SGPP2: variants seen among roughly 807,000 people sequenced by gnomAD.
SGPP2 encodes sphingosine 1-phosphate phosphohydrolase 2.
Under a neutral mutation model 33.9 loss-of-function variants are expected in SGPP2, and 30 were observed. The observed-to-expected ratio is 0.89, with a 90% CI of 0.66 to 1.20. The LOEUF (loss-of-function observed/expected upper bound fraction) is 1.20. SGPP2 is among the 50% of genes most tolerant of loss of function. The pLI is 0.00. For missense variants in SGPP2, 458 were observed against 532.1 expected, an observed-to-expected ratio of 0.86 and a Z score of 1.37; for synonymous variants, 233 against 225.0, an observed-to-expected ratio of 1.04 and a Z score of -0.32.
At chr2:222,449,437 T>C (rs10172550) in intron 1 of SGPP2, among the ~76,000 whole-genome samples, 106,430 of 151,044 alleles carry the variant, frequency 0.7, 38,044 homozygotes, top group Middle Eastern at 0.84. Flanking sequence ...ACGTGCCCCA[T>C]CCTAAGGATG....
chr2:222,506,952 G>A (rs1201297035), intron 2 of SGPP2, among the ~76,000 whole-genome samples: 2 of 152,116 alleles, frequency 1.3e-5, no homozygotes, highest in Non-Finnish European at 2.9e-5. Context: ...AAGGTGGTTT[G>A]TGACTGTGTT....
intron 1 of SGPP2, among the ~76,000 whole-genome samples, chr2:222,471,923 A>G (rs1697849390): frequency 6.6e-6 from 1 of 152,230 alleles, no homozygotes. Flanking sequence ...ATCCCATAAT[A>G]TAAAGGTGTT....
At chr2:222,555,299 G>T (rs58271797) in intron 4 of SGPP2, among the ~76,000 whole-genome samples, 45,996 of 151,984 alleles carry the variant, frequency 0.3, 7,557 homozygotes, top group South Asian at 0.48. Flanking sequence ...ACTGCTATAA[G>T]CATGCATGTA....
rs752449757 is a variant in SGPP2, at chr2:222,476,379, T to G, written c.378+1653T>G. On this transcript the variant is annotated intron_variant, in intron 2 of 4. Transcript: ENST00000321276. The surrounding 1 kb of genome is among the most constrained non-coding windows in gnomAD (Gnocchi z 4.3). ...GGTGACAGAGGGACTAGGGAGCAAC[T>G]GCCCCTGGCTCCACCTGGGACTTCA... is the stretch of plus-strand genomic sequence containing the variant. Among the ~76,000 whole-genome samples the G allele has an allele frequency of 6.6e-6, 1 of 152,166 alleles. No individual in the cohort carries two copies. Among genetic ancestry groups the G allele is most frequent in the Non-Finnish European group, 1.5e-5 (1 of 68,020 alleles).
chr2:222,497,300 T>G (rs1698296992), intron 2 of SGPP2, among the ~76,000 whole-genome samples: 1 of 147,668 alleles, frequency 6.8e-6, no homozygotes. Context: ...TCGCCCAGGC[T>G]GGAGTGCAAT....
intron 4 of SGPP2, among the ~76,000 whole-genome samples, chr2:222,546,220 G>A (rs60876771): frequency 0.039 from 5,998 of 152,240 alleles, 197 homozygotes; most frequent in African/African-American, 0.084. Flanking sequence ...ATTAATTCAT[G>A]TGCATAGGCC....
chr2:222,547,830 G>A (rs1329730728), intron 4 of SGPP2, among the ~76,000 whole-genome samples: 3 of 151,690 alleles, frequency 2.0e-5, no homozygotes, highest in African/African-American at 7.3e-5. Context: ...TACTTGCTAG[G>A]GTATAATTTT....
At position 222,559,179 on chromosome 2, in the gene SGPP2, C is replaced by CT. The variant is rs1237382700; in HGVS notation, c.*281_*282insT. The stretch of plus-strand genomic sequence containing the variant: ...ACACCGCGCCCCCCCCCCCCCCGCC[C>CT]GGCCCCTGCTCCTCTCGCTGTTGCA... On this transcript the variant is annotated 3_prime_UTR_variant, in exon 5 of 5. Coordinates refer to ENST00000321276, the MANE Select transcript of SGPP2 (RefSeq NM_152386.4). 1 of 164,744 alleles carries CT rather than the reference C, an allele frequency of 6.1e-6. No individual in the cohort carries two copies. 10.2% of individuals were successfully genotyped at this position (164,744 alleles called of 1,614,324 possible).
intron 1 of SGPP2, among the ~76,000 whole-genome samples, chr2:222,442,973 A>G (rs1187089876): frequency 1.3e-5 from 2 of 152,182 alleles, no homozygotes; most frequent in Admixed American, 6.5e-5. Context: ...GAATCATGAC[A>G]TTATAGTAAG....
chr2:222,497,116 A>C (rs974769830), intron 2 of SGPP2, among the ~76,000 whole-genome samples: 2 of 152,158 alleles, frequency 1.3e-5, no homozygotes, highest in African/African-American at 4.8e-5. Flanking sequence ...TTGGGAAACA[A>C]ATTTGGCCAA....
At chr2:222,440,003 A>G (rs1697300814) in intron 1 of SGPP2, among the ~76,000 whole-genome samples, 1 of 152,236 alleles carries the variant, frequency 6.6e-6, no homozygotes, top group African/African-American at 2.4e-5. Context: ...TACCTTTGCA[A>G]CTGCCTGTGA....
intron 4 of SGPP2, among the ~76,000 whole-genome samples, chr2:222,543,869 A>G (rs1689131781): frequency 6.6e-6 from 1 of 152,144 alleles, no homozygotes; most frequent in Non-Finnish European, 1.5e-5. Flanking sequence ...CATTTTCTCC[A>G]ATGCTGGACT....
intron 4 of SGPP2, among the ~76,000 whole-genome samples, chr2:222,525,267 A>G (rs1698741579): frequency 6.6e-6 from 1 of 152,220 alleles, no homozygotes; most frequent in African/African-American, 2.4e-5. Flanking sequence ...GATTTTGAAA[A>G]TGGGCTAGAA....
chr2:222,475,288 C>G (rs1336341992), intron 2 of SGPP2, among the ~76,000 whole-genome samples: 1 of 152,262 alleles, frequency 6.6e-6, no homozygotes, highest in Admixed American at 6.5e-5. Context: ...AGGCTTATCT[C>G]TTACTGCTAT....
intron 2 of SGPP2, among the ~76,000 whole-genome samples, chr2:222,497,522 C>T (rs569136783): frequency 1.1e-4 from 16 of 152,290 alleles, no homozygotes; most frequent in Middle Eastern, 3.4e-3. Context: ...ACTGGGATTA[C>T]AGGCACGAGC....
intron 4 of SGPP2, among the ~76,000 whole-genome samples, chr2:222,554,682 C>T (rs533585183): frequency 2.0e-5 from 3 of 152,174 alleles, no homozygotes; most frequent in East Asian, 1.9e-4. Context: ...CAGGGACAGG[C>T]GAGGAGTTGA....
chr2:222,544,685 T>A (rs1380238314), intron 4 of SGPP2, among the ~76,000 whole-genome samples: 6 of 152,190 alleles, frequency 3.9e-5, no homozygotes, highest in African/African-American at 1.4e-4. Flanking sequence ...TTTCAAATAT[T>A]TTTGATCCAA....
At chr2:222,481,503 A>T (rs1181747414) in intron 2 of SGPP2, among the ~76,000 whole-genome samples, 1 of 152,208 alleles carries the variant, frequency 6.6e-6, no homozygotes, top group East Asian at 1.9e-4. Flanking sequence ...GAAGTTCAAG[A>T]CTTTGAGAAG....
rs139097828 is a variant in SGPP2, at chr2:222,494,170, C to T, written c.378+19444C>T. Among the ~76,000 whole-genome samples the T allele has an allele frequency of 4.2e-3, 645 of 152,316 alleles. 5 individuals carry two copies. The highest frequency in any genetic ancestry group is 0.014 in the African/African-American group (601 of 41,552). The stretch of plus-strand genomic sequence containing the variant: ...GCCTCCTCTGCTGAACCCATTGGAA[C>T]ACTCCTTCTATTTTATGGAATGAAG... On this transcript the variant is annotated intron_variant, in intron 2 of 4. Coordinates refer to ENST00000321276, the MANE Select transcript of SGPP2 (RefSeq NM_152386.4).
Sources: gnomAD v4.1 joint callset for allele counts (sites outside exome capture counted in the v4.1 genomes callset) on GRCh38, gnomAD v4.1.1 for gene constraint, Gnocchi (gnomAD v3.1) non-coding constraint, MANE v1.5 for transcripts, NCBI Gene and HGNC (gene_info 2026-07-23, HGNC 2026-07-21) for gene names.